PCSK2: variants seen among roughly 807,000 people sequenced by gnomAD.
The protein encoded by PCSK2 is proprotein convertase subtilisin/kexin type 2.
A neutral mutation model predicts 69.7 loss-of-function variants in PCSK2; 14 were observed. The ratio of observed to expected loss-of-function variants is 0.20; its 90% CI spans 0.13 to 0.31. The LOEUF (loss-of-function observed/expected upper bound fraction) is 0.31, where lower values mean the gene tolerates loss of function less well. PCSK2 is among the 10% of genes least tolerant of loss of function. The pLI is 1.00. For missense variants in PCSK2, 544 were observed against 842.5 expected (o/e 0.65, Z 4.39); for synonymous variants, 307 against 320.7 (o/e 0.96, Z 0.46).
At chr20:17,251,119 T>C (rs984096196) in intron 1 of PCSK2, among the ~76,000 whole-genome samples, 1 of 151,644 alleles carries the variant, frequency 6.6e-6, no homozygotes, top group Non-Finnish European at 1.5e-5. Context: ...AAAAAAAAAA[T>C]TATCAGATCC....
At chr20:17,264,307 T>C (rs1027517480) in intron 2 of PCSK2, among the ~76,000 whole-genome samples, 3 of 152,222 alleles carry the variant, frequency 2.0e-5, no homozygotes, top group Middle Eastern at 3.2e-3. Flanking sequence ...TTATTTCCTT[T>C]ACTAAGCAAT....
intron 5 of PCSK2, among the ~76,000 whole-genome samples, chr20:17,401,190 T>C (rs1039932857): frequency 3.3e-5 from 5 of 152,230 alleles, no homozygotes; most frequent in Admixed American, 6.5e-5. Context: ...ATTAACAAGA[T>C]ATACAAGGTA....
intron 2 of PCSK2, among the ~76,000 whole-genome samples, chr20:17,337,808 A>G (rs1568608406): frequency 6.6e-6 from 1 of 151,816 alleles, no homozygotes; most frequent in East Asian, 1.9e-4. Context: ...GCATGCCTGT[A>G]GTCCCTGCTA....
chr20:17,472,998 C>T (rs1053491094), intron 11 of PCSK2, among the ~76,000 whole-genome samples: 3 of 151,648 alleles, frequency 2.0e-5, no homozygotes, highest in Non-Finnish European at 4.4e-5. Context: ...AATAAAGATA[C>T]AAGCCACCCC....
intron 2 of PCSK2, among the ~76,000 whole-genome samples, chr20:17,301,088 C>A (rs1989064771): frequency 6.6e-6 from 1 of 152,180 alleles, no homozygotes; most frequent in South Asian, 2.1e-4. Context: ...AAAAAGCCTT[C>A]TAAAATCAAT....
chr20:17,426,154 T>C (rs1187245845), intron 6 of PCSK2, among the ~76,000 whole-genome samples: 2 of 152,174 alleles, frequency 1.3e-5, no homozygotes, highest in African/African-American at 4.8e-5. Context: ...CAAGACCAGG[T>C]GGAGGTAACT....
In PCSK2 at chr20:17,332,301, C is replaced by T. The variant is rs80184123; in HGVS notation, c.283-26026C>T. On this transcript the variant is annotated intron_variant, in intron 2 of 11. Coordinates refer to ENST00000262545, the MANE Select transcript of PCSK2 (RefSeq NM_002594.5). ...AATAATACCTTGCTTGTAAATTTCA[C>T]ACTCAATGGACCTCACACACAAATA... Among the ~76,000 whole-genome samples, 626 of 152,236 alleles carry T rather than the reference C, an allele frequency of 4.1e-3. 3 individuals carry two copies. The highest frequency in any genetic ancestry group is 0.014 in the African/African-American group (582 of 41,528).
At chr20:17,294,104 T>C (rs189802060) in intron 2 of PCSK2, among the ~76,000 whole-genome samples, 2,308 of 114,084 alleles carry the variant, frequency 0.02, 16 homozygotes, top group Non-Finnish European at 0.03. Context: ...TTTTCTTTTT[T>C]TTTTTTTTTT....
intron 5 of PCSK2, among the ~76,000 whole-genome samples, chr20:17,391,211 C>A (rs1049841420): frequency 3.3e-5 from 5 of 152,118 alleles, no homozygotes; most frequent in African/African-American, 7.2e-5. Context: ...GCATAGTCCT[C>A]CCAGGAGAAT....
Position 17,375,827 on chromosome 20 carries a change from C to T in PCSK2, c.543+6550C>T, listed in dbSNP as rs989796349. 2.8e-4 allele frequency among the ~76,000 whole-genome samples: 43 copies of T among 152,176 alleles called. 1 individual carries two copies. The highest frequency in any genetic ancestry group is 1.0e-3 in the African/African-American group (43 of 41,448). ...CAAGAATTCTTGAGTGCAGCAAATA[C>T]AGAAGTTTGCATTGACTCAACTCCA... On this transcript the variant is annotated intron_variant, in intron 5 of 11. Coordinates refer to ENST00000262545, the MANE Select transcript of PCSK2 (RefSeq NM_002594.5).
intron 2 of PCSK2, among the ~76,000 whole-genome samples, chr20:17,319,254 T>C (rs1180069679): frequency 6.6e-6 from 1 of 152,200 alleles, no homozygotes; most frequent in Non-Finnish European, 1.5e-5. Flanking sequence ...TAAGACATAA[T>C]AGATTACCAC....
At chr20:17,263,766 T>C (rs1454208925) in intron 2 of PCSK2, among the ~76,000 whole-genome samples, 1 of 152,214 alleles carries the variant, frequency 6.6e-6, no homozygotes, top group Non-Finnish European at 1.5e-5. Context: ...CAAAACCCAA[T>C]CTGCCTTCTT....
intron 9 of PCSK2, among the ~76,000 whole-genome samples, chr20:17,455,710 C>T (rs905996398): frequency 2.0e-5 from 3 of 152,214 alleles, no homozygotes; most frequent in Non-Finnish European, 4.4e-5. Context: ...CTTTCCACTT[C>T]ATAATGTTTC....
At chr20:17,412,540 C>A (rs2031899500) in intron 6 of PCSK2, among the ~76,000 whole-genome samples, 1 of 152,240 alleles carries the variant, frequency 6.6e-6, no homozygotes, top group South Asian at 2.1e-4. Flanking sequence ...GTGAAAAGAT[C>A]AAATCTACGT....
chr20:17,243,851 C>T (rs1053033859), intron 1 of PCSK2, among the ~76,000 whole-genome samples: 2 of 151,970 alleles, frequency 1.3e-5, no homozygotes, highest in Non-Finnish European at 2.9e-5. Context: ...AAAGTATTAA[C>T]GTCATAAAAG....
intron 2 of PCSK2, among the ~76,000 whole-genome samples, chr20:17,322,449 T>A (rs1418942893): frequency 6.6e-6 from 1 of 152,184 alleles, no homozygotes; most frequent in Non-Finnish European, 1.5e-5. Flanking sequence ...TATTTGGAGA[T>A]AGGCCTTCAA....
At chr20:17,470,539 C>T (rs138147458) in intron 11 of PCSK2, among the ~76,000 whole-genome samples, 1 of 152,304 alleles carries the variant, frequency 6.6e-6, no homozygotes, top group African/African-American at 2.4e-5. Context: ...TCCCCCAGCA[C>T]GACATCCAAT....
Position 17,483,986 on chromosome 20 carries a change from C to A in PCSK2, c.*1916C>A, listed in dbSNP as rs1171247961. ...TTGTATAAATGTATATACACATATA[C>A]CTATAATGTGTGTATGTGTATTTAT... is the stretch of plus-strand genomic sequence containing the variant. On this transcript the variant is annotated 3_prime_UTR_variant, in exon 12 of 12. Coordinates refer to ENST00000262545, the MANE Select transcript of PCSK2 (RefSeq NM_002594.5). 3 of 152,152 alleles carry A rather than the reference C, an allele frequency of 2.0e-5. No individual in the cohort carries two copies. The highest frequency in any genetic ancestry group is 7.3e-5 in the African/African-American group (3 of 41,284). 9.4% of individuals were successfully genotyped at this position (152,152 alleles called of 1,614,324 possible).
chr20:17,312,157 A>G (rs1989538375), intron 2 of PCSK2, among the ~76,000 whole-genome samples: 3 of 152,170 alleles, frequency 2.0e-5, no homozygotes. Context: ...TTTAGAGACT[A>G]GATTTTTATG....
Sources: gnomAD v4.1 joint callset for allele counts (sites outside exome capture counted in the v4.1 genomes callset) on GRCh38, gnomAD v4.1.1 for gene constraint, MANE v1.5 for transcripts, NCBI Gene and HGNC (gene_info 2026-07-23, HGNC 2026-07-21) for gene names.